The following MYO5A variants were observed in gnomAD, a reference collection of about 807,000 sequenced individuals.
MYO5A encodes the protein myosin VA, also known as unconventional myosin-Va.
In MYO5A, 98 loss-of-function variants were observed where a neutral mutation model predicts 249.7. The ratio of observed to expected loss-of-function variants is 0.39; its 90% CI spans 0.33 to 0.46. The LOEUF (loss-of-function observed/expected upper bound fraction) is 0.46. MYO5A is among the 20% of genes least tolerant of loss of function. The probability of loss-of-function intolerance (pLI) is 0.98; values close to 1 mark genes in which losing one functional copy is unlikely to be tolerated. For missense variants in MYO5A, 1,696 were observed against 2,308.8 expected, an observed-to-expected ratio of 0.73 and a Z score of 5.44; for synonymous variants, 778 against 810.6, an observed-to-expected ratio of 0.96 and a Z score of 0.68.
chr15:52,324,039 A>AAAAAAAAAAG (rs2038471379), intron 36 of MYO5A: 1 of 135,488 alleles, frequency 7.4e-6, no homozygotes, highest in Non-Finnish European at 1.6e-5. Context: ...AAAAAAAAAA[A>AAAAAAAAAAG]TCACCCAGCT....
At chr15:52,324,897 G>A (rs2038522870) in intron 36 of MYO5A, among the ~76,000 whole-genome samples, 1 of 152,104 alleles carries the variant, frequency 6.6e-6, no homozygotes, top group African/African-American at 2.4e-5. Flanking sequence ...ACTGAGTTCA[G>A]GTCCTGACTT....
In MYO5A at chr15:52,313,499, A is replaced by G. The variant is rs549509527; in HGVS notation, c.*197T>C. ...GTTAAGGATGAGTGTTGCTATAAAG[A>G]TAACACAGCACGAAAGAGCCTATCT... On this transcript the variant is annotated 3_prime_UTR_variant, in exon 42 of 42. Transcript: ENST00000399233. 1.5e-6 allele frequency: 1 copy of G among 684,014 alleles called. No individual in the cohort carries two copies. The highest frequency in any genetic ancestry group is 2.4e-5 in the Admixed American group (1 of 41,850). The allele number at this position is 684,014 out of a possible 1,614,324, so 42.4% of individuals were successfully genotyped here.
chr15:52,346,267 G>T (rs2039622681), intron 30 of MYO5A, 94 bp downstream of exon 30: 1 of 763,582 alleles, frequency 1.3e-6, no homozygotes, highest in Admixed American at 2.0e-5. Flanking sequence ...TAATATAAAG[G>T]AATGTATGAA....
Position 52,408,936 on chromosome 15 carries a change from A to G in MYO5A, c.757-796T>C, listed in dbSNP as rs182202356. ...AATTACCAGTATACCAATGACCACA[A>G]GCATGATTAAACAGGAGACCAGGTG... On this transcript the variant is annotated intron_variant, in intron 6 of 41. Coordinates refer to ENST00000399233, the MANE Select transcript of MYO5A (RefSeq NM_001382347.1). Among the ~76,000 whole-genome samples, 6 of 152,318 alleles carry G rather than the reference A, an allele frequency of 3.9e-5. No homozygotes were observed. In the East Asian group the frequency reaches 1.2e-3, roughly 29 times the overall value.
At chr15:52,341,764 C>G (rs1389143654) in intron 31 of MYO5A, among the ~76,000 whole-genome samples, 2 of 151,972 alleles carry the variant, frequency 1.3e-5, no homozygotes, top group Non-Finnish European at 2.9e-5. Context: ...TAAGCAGAAG[C>G]CCCTTGAACA....
chr15:52,394,639 G>T (rs930556340), intron 11 of MYO5A, among the ~76,000 whole-genome samples: 9 of 152,188 alleles, frequency 5.9e-5, no homozygotes, highest in African/African-American at 2.4e-5. Flanking sequence ...CAGACAGCAG[G>T]AAAGAGGAAG....
chr15:52,503,855 T>C (rs1033911106), intron 1 of MYO5A, among the ~76,000 whole-genome samples: 2 of 152,158 alleles, frequency 1.3e-5, no homozygotes, highest in African/African-American at 4.8e-5. Flanking sequence ...CCATACCAAA[T>C]GAACAAATTT....
chr15:52,448,953 CTTTCTTT>C (rs2075955471), intron 1 of MYO5A, among the ~76,000 whole-genome samples: 2 of 61,876 alleles, frequency 3.2e-5, no homozygotes, highest in African/African-American at 7.1e-5. Context: ...CTTTTCTTGT[CTTTCTTT>C]TTTTTTTTTT....
chr15:52,378,954 C>T (rs2041587606), intron 18 of MYO5A, among the ~76,000 whole-genome samples: 1 of 152,194 alleles, frequency 6.6e-6, no homozygotes, highest in African/African-American at 2.4e-5. Flanking sequence ...GCCTGGTCTG[C>T]AAGACTCTCT....
chr15:52,430,862 G>A (rs926518875), intron 2 of MYO5A, among the ~76,000 whole-genome samples: 4 of 152,158 alleles, frequency 2.6e-5, no homozygotes, highest in Middle Eastern at 3.4e-3. Flanking sequence ...ATCAAAGGAA[G>A]AATAATAGAA....
chr15:52,505,159 C>A, intron 1 of MYO5A: 1 of 733,546 alleles, frequency 1.4e-6, no homozygotes, highest in Non-Finnish European at 2.5e-6. Flanking sequence ...TCAATTCGTA[C>A]ATGGAGAACT....
At chr15:52,527,199 G>C (rs1275362137) in intron 1 of MYO5A, among the ~76,000 whole-genome samples, 1 of 152,186 alleles carries the variant, frequency 6.6e-6, no homozygotes, top group Non-Finnish European at 1.5e-5. Flanking sequence ...TTTACAGACT[G>C]ATTATCTCTT....
chr15:52,431,918 C>G (rs1476810972), intron 2 of MYO5A, among the ~76,000 whole-genome samples: 1 of 151,930 alleles, frequency 6.6e-6, no homozygotes, highest in Non-Finnish European at 1.5e-5. Flanking sequence ...GATCAAGCCA[C>G]TGCACTCTAG....
At chr15:52,483,235 C>G (rs1287503128) in intron 1 of MYO5A, among the ~76,000 whole-genome samples, 1 of 152,194 alleles carries the variant, frequency 6.6e-6, no homozygotes, top group Non-Finnish European at 1.5e-5. Context: ...TCTGTTTAGA[C>G]TGCCCTTTTG....
intron 9 of MYO5A, among the ~76,000 whole-genome samples, chr15:52,397,977 C>T (rs191213201): frequency 3.5e-4 from 54 of 152,168 alleles, no homozygotes; most frequent in African/African-American, 1.3e-3. Flanking sequence ...GAGACAGTTG[C>T]CTTGAGAAAA....
At chr15:52,338,227 T>TC (rs1371236782) in intron 32 of MYO5A, among the ~76,000 whole-genome samples, 9 of 125,092 alleles carry the variant, frequency 7.2e-5, no homozygotes, top group Non-Finnish European at 1.2e-4. Context: ...TGCTGCACTT[T>TC]TTTTTTTTTT....
chr15:52,392,492 C>T (rs2042283927), intron 11 of MYO5A, among the ~76,000 whole-genome samples: 1 of 152,222 alleles, frequency 6.6e-6, no homozygotes, highest in African/African-American at 2.4e-5. Context: ...TTCAGCATAA[C>T]AAAGTACTTC....
At chr15:52,519,515 G>T (rs971771319) in intron 1 of MYO5A, among the ~76,000 whole-genome samples, 2 of 152,038 alleles carry the variant, frequency 1.3e-5, no homozygotes, top group African/African-American at 2.4e-5. Context: ...AGGAGGCTGA[G>T]CTGGGAGGGC....
Position 52,313,128 on chromosome 15 carries a change from C to G in MYO5A, c.*568G>C, listed in dbSNP as rs2037838317. The G allele has an allele frequency of 6.4e-6, 1 of 156,528 alleles. No homozygotes were observed. 9.7% of individuals were successfully genotyped at this position (156,528 alleles called of 1,614,324 possible). A position where few individuals can be genotyped will look rare whatever the true frequency, so the allele number is the denominator to read the frequency against. On this transcript the variant is annotated 3_prime_UTR_variant, in exon 42 of 42. Coordinates refer to ENST00000399233, the MANE Select transcript of MYO5A (RefSeq NM_001382347.1). ...CTATACTATTTAGCAAACCAACATT[C>G]CTTTAATATCTCTATATCATAGTGA... is the stretch of plus-strand genomic sequence containing the variant.
Sources: allele counts gnomAD v4.1 joint callset (sites outside exome capture counted in the v4.1 genomes callset), GRCh38; gene constraint gnomAD v4.1.1; transcripts MANE v1.5; gene names NCBI Gene and HGNC (gene_info 2026-07-23, HGNC 2026-07-21).